CLIP2: variants seen among roughly 807,000 people sequenced by gnomAD.
CLIP2 encodes CAP-Gly domain-containing linker protein 2.
In CLIP2, 41 loss-of-function variants were observed where a neutral mutation model predicts 111.7. The ratio of observed to expected loss-of-function variants is 0.37; its 90% CI spans 0.29 to 0.48. The LOEUF is 0.48. Ranked by LOEUF, CLIP2 falls within the 20% of genes least tolerant of loss-of-function variation. The probability of loss-of-function intolerance (pLI) is 0.99; values close to 1 mark genes in which losing one functional copy is unlikely to be tolerated. For missense variants in CLIP2, 1,160 were observed against 1,422.1 expected, an observed-to-expected ratio of 0.82 and a Z score of 2.96; for synonymous variants, 660 against 644.2, an observed-to-expected ratio of 1.02 and a Z score of -0.37.
Position 74,350,508 on chromosome 7 carries a change from C to T in CLIP2, c.679-3372C>T, listed in dbSNP as rs113705218. On this transcript the variant is annotated intron_variant, in intron 3 of 16. Coordinates refer to ENST00000223398, the MANE Select transcript of CLIP2 (RefSeq NM_003388.5). ...CAGGCATGAGCCACCATCTTTGGGC[C>T]CTATATGTTTTAAAATGGTTAAAAT... 6.1e-3 allele frequency among the ~76,000 whole-genome samples: 927 copies of T among 151,800 alleles called. 11 individuals carry two copies. Among genetic ancestry groups the T allele is most frequent in the African/African-American group, 0.022 (900 of 41,378 alleles).
In CLIP2 at chr7:74,376,502, C is replaced by T. The variant is rs373377941; in HGVS notation, c.2101C>T (p.Arg701Trp). 7.5e-6 allele frequency: 12 copies of T among 1,609,560 alleles called. No homozygotes were observed. In the South Asian group the frequency reaches 9.9e-5, roughly 13 times the overall value. Residue 701 changes from arginine to tryptophan, a missense_variant, in exon 10 of 17, where the codon CGG becomes TGG. Physicochemically the swap from Arg to Trp is moderately radical, Grantham distance 101 (BLOSUM62 -3). This residue lies in a region of CLIP2 where 676 missense variants were observed against 777.8 expected (regional missense o/e 0.87). Coordinates refer to ENST00000223398, the MANE Select transcript of CLIP2 (RefSeq NM_003388.5). The surrounding 1 kb of genome is among the most constrained non-coding windows in gnomAD (Gnocchi z 7.1). ...EAQEELAGLQRHWRAQLEVQA... is the reference protein window; with the variant it reads ...EAQEELAGLQWHWRAQLEVQA... ...CCAGGAGGAGCTGGCTGGGCTGCAGCGGCACTGGCGGGCCCAGCTGGAGGT... is the reference window on the plus strand; with the variant it reads ...CCAGGAGGAGCTGGCTGGGCTGCAGTGGCACTGGCGGGCCCAGCTGGAGGT...
chr7:74,289,482 G>C lies in CLIP2; in HGVS notation c.-320G>C, dbSNP rs1208155672. The C allele has an allele frequency of 7.3e-5, 11 of 150,880 alleles. No individual in the cohort carries two copies. Among genetic ancestry groups the C allele is most frequent in the African/African-American group, 2.7e-4 (11 of 41,324 alleles). 9.3% of individuals were successfully genotyped at this position (150,880 alleles called of 1,614,324 possible). On this transcript the variant is annotated 5_prime_UTR_variant, in exon 1 of 17. Coordinates refer to ENST00000223398, the MANE Select transcript of CLIP2 (RefSeq NM_003388.5). ...CTCCGCGGGCGCTCAGCTCGGCTCG[G>C]CCGCGGGGCGCGCAGGCGGCTGCTG...
rs370849725 is a variant in CLIP2, at chr7:74,375,958, C to T, written c.1557C>T (p.Ile519=). 5 of 1,606,878 alleles carry T rather than the reference C, an allele frequency of 3.1e-6. No individual in the cohort carries two copies. The highest frequency in any genetic ancestry group is 2.2e-5 in the South Asian group (2 of 90,178). ...AGCTCACCCTGCGCCGAGGTGAAAT[C>T]GAGGAGCTCCAGCAGTGCCTGTTGC... is the stretch of plus-strand genomic sequence containing the variant. ...EEELTLRRGE[I]EELQQCLLHS... Residue 519 remains isoleucine (I), a synonymous_variant, in exon 10 of 17, where the codon ATC becomes ATT. Transcript: ENST00000223398.
chr7:74,402,489 C>T (rs1244017150), intron 16 of CLIP2, among the ~76,000 whole-genome samples: 1 of 152,082 alleles, frequency 6.6e-6, no homozygotes, highest in Non-Finnish European at 1.5e-5. Flanking sequence ...TGCACTCCAG[C>T]CTGGGCAACA....
chr7:74,375,926 G>T lies in CLIP2; in HGVS notation c.1525G>T (p.Glu509Ter). Residue 509 changes from glutamate (E) to a stop codon, truncating the protein, a stop_gained, in exon 10 of 17, where the codon GAG (glutamate) becomes TAG (stop). Coordinates refer to ENST00000223398, the MANE Select transcript of CLIP2 (RefSeq NM_003388.5). LOFTEE classifies it high-confidence loss of function. ...VAEKSRVLQLEEELTLRRGEI... is the reference protein window; with the variant it reads ...VAEKSRVLQL ...CGAGAAGTCGCGCGTGCTGCAGCTGGAGGAGGAGCTCACCCTGCGCCGAGG... is the reference window on the plus strand; with the variant it reads ...CGAGAAGTCGCGCGTGCTGCAGCTGTAGGAGGAGCTCACCCTGCGCCGAGG... The T allele has an allele frequency of 6.3e-7, 1 of 1,593,434 alleles. No individual in the cohort carries two copies.
At chr7:74,352,687 C>G (rs1215735215) in intron 3 of CLIP2, among the ~76,000 whole-genome samples, 1 of 126,944 alleles carries the variant, frequency 7.9e-6, no homozygotes, top group Non-Finnish European at 1.7e-5. Context: ...GTAGGAGAAT[C>G]AACACTGTCT....
chr7:74,304,342 C>G (rs1480735018), intron 1 of CLIP2, among the ~76,000 whole-genome samples: 1 of 151,870 alleles, frequency 6.6e-6, no homozygotes, highest in Non-Finnish European at 1.5e-5. Context: ...GCCTGGCCAA[C>G]ATAGTGAAAC....
At chr7:74,343,855 A>G (rs556147889) in intron 3 of CLIP2, among the ~76,000 whole-genome samples, 3 of 151,832 alleles carry the variant, frequency 2.0e-5, no homozygotes, top group East Asian at 1.9e-4. Flanking sequence ...GTGAGCCACG[A>G]TGGGACCACC....
chr7:74,294,436 C>G (rs1788114928), intron 1 of CLIP2, among the ~76,000 whole-genome samples: 2 of 152,210 alleles, frequency 1.3e-5, no homozygotes, highest in Admixed American at 1.3e-4. Flanking sequence ...CGGCTTCTGT[C>G]TTGATGGAGC....
At chr7:74,323,252 A>C (rs1430079953) in intron 2 of CLIP2, among the ~76,000 whole-genome samples, 2 of 151,540 alleles carry the variant, frequency 1.3e-5, no homozygotes, top group Non-Finnish European at 2.9e-5. Flanking sequence ...CTGGGACCAT[A>C]GGCAGGTGCC....
intron 11 of CLIP2, among the ~76,000 whole-genome samples, chr7:74,382,129 G>A (rs1790961047): frequency 6.6e-6 from 1 of 152,052 alleles, no homozygotes; most frequent in South Asian, 2.1e-4. Context: ...TGTTGCCCAG[G>A]CTGGAGTGCA....
At chr7:74,396,961 GC>G in intron 13 of CLIP2, 112 bp from the exon 14 acceptor site, 2 of 1,333,410 alleles carry the variant, frequency 1.5e-6, no homozygotes, top group East Asian at 2.3e-5. Flanking sequence ...CCATCTAGTA[GC>G]CCATGTCCCC....
At chr7:74,296,497 G>A (rs1035105248) in intron 1 of CLIP2, among the ~76,000 whole-genome samples, 6 of 142,894 alleles carry the variant, frequency 4.2e-5, no homozygotes, top group South Asian at 2.2e-4. Flanking sequence ...GCAACAGAGC[G>A]ACACTAAGAG....
chr7:74,303,603 T>TA (rs1564026848), intron 1 of CLIP2, among the ~76,000 whole-genome samples: 3 of 150,978 alleles, frequency 2.0e-5, no homozygotes, highest in Non-Finnish European at 4.4e-5. Context: ...TATTTTTTTT[T>TA]TTTTTTTTTT....
At chr7:74,330,492 G>A (rs1789249556) in intron 2 of CLIP2, among the ~76,000 whole-genome samples, 1 of 151,278 alleles carries the variant, frequency 6.6e-6, no homozygotes, top group Non-Finnish European at 1.5e-5. Flanking sequence ...TCTGACCTCA[G>A]GTGATCCGCC....
chr7:74,298,499 TG>T (rs1190224369), intron 1 of CLIP2, among the ~76,000 whole-genome samples: 1 of 150,602 alleles, frequency 6.6e-6, no homozygotes, highest in Non-Finnish European at 1.5e-5. Context: ...CCACCACACC[TG>T]GCCCCTGTCT....
chr7:74,367,000 A>G (rs1790484981), intron 8 of CLIP2, among the ~76,000 whole-genome samples: 1 of 151,456 alleles, frequency 6.6e-6, no homozygotes, highest in African/African-American at 2.4e-5. Flanking sequence ...GCATCAGGCC[A>G]GTCCCTGCCT....
intron 8 of CLIP2, among the ~76,000 whole-genome samples, chr7:74,369,287 G>T (rs749959316): frequency 1.4e-4 from 22 of 152,176 alleles, no homozygotes; most frequent in Admixed American, 3.3e-4. Flanking sequence ...GGAGGCGGAG[G>T]TTGCAGTGAA....
intron 1 of CLIP2, among the ~76,000 whole-genome samples, chr7:74,300,532 T>C (rs1336924451): frequency 1.3e-5 from 2 of 151,790 alleles, no homozygotes; most frequent in African/African-American, 4.8e-5. Context: ...CTCGGCTCAT[T>C]GCAAACTCCG....
Sources: allele counts gnomAD v4.1 joint callset (sites outside exome capture counted in the v4.1 genomes callset), GRCh38; gene constraint gnomAD v4.1.1; regional missense constraint gnomAD v4.1.1; non-coding constraint Gnocchi (gnomAD v3.1); transcripts MANE v1.5; gene names NCBI Gene and HGNC (gene_info 2026-07-23, HGNC 2026-07-21).